NSUN6: variants seen among roughly 807,000 people sequenced by gnomAD.
NSUN6 encodes the protein tRNA (cytosine(72)-C(5))-methyltransferase NSUN6.
NSUN6 carries 64 observed loss-of-function variants against 58.0 expected under a neutral mutation model. That is an observed-to-expected ratio of 1.10 (90% CI 0.90 to 1.36). NSUN6 has a LOEUF of 1.36. Among genes scored for constraint, NSUN6 ranks in the 40% most tolerant of loss-of-function variants. The pLI is 0.00. For synonymous variants in NSUN6, 231 were observed against 193.9 expected (o/e 1.19, Z -1.59); for missense variants, 701 against 550.1 (o/e 1.27, Z -2.74).
In NSUN6 at chr10:18,648,473, AG is replaced by A; in HGVS notation, c.231+16del. 1.3e-6 allele frequency: 2 copies of A among 1,562,758 alleles called. No individual in the cohort carries two copies. Among genetic ancestry groups the A allele is most frequent in the Non-Finnish European group, 1.8e-6 (2 of 1,140,482 alleles). On this transcript the variant is annotated intron_variant, in intron 2 of 10. Coordinates refer to ENST00000377304, the MANE Select transcript of NSUN6 (RefSeq NM_182543.5). ...AAAAATGTAATTATGTACAAATGACAGAAAATTTCCACAAACCTTCTGAAGT... is the reference window on the plus strand; with the variant it reads ...AAAAATGTAATTATGTACAAATGACAAAAATTTCCACAAACCTTCTGAAGT...
intron 3 of NSUN6, among the ~76,000 whole-genome samples, chr10:18,620,255 T>G (rs1386442427): frequency 1.3e-5 from 2 of 152,050 alleles, no homozygotes; most frequent in African/African-American, 4.8e-5. Flanking sequence ...ACCCGGCTAA[T>G]TTTTTGTGTT....
At chr10:18,578,392 C>T (rs1395038698) in intron 8 of NSUN6, among the ~76,000 whole-genome samples, 1 of 152,108 alleles carries the variant, frequency 6.6e-6, no homozygotes, top group African/African-American at 2.4e-5. Context: ...TGCCACCACA[C>T]TCAGCTAATT....
At chr10:18,650,159 T>A (rs2059662847) in intron 1 of NSUN6, among the ~76,000 whole-genome samples, 2 of 152,182 alleles carry the variant, frequency 1.3e-5, no homozygotes, top group Admixed American at 1.3e-4. Context: ...AAATTAACAT[T>A]TTTTGAAGAC....
intron 9 of NSUN6, among the ~76,000 whole-genome samples, chr10:18,549,540 C>T (rs921906561): frequency 6.6e-6 from 1 of 152,098 alleles, no homozygotes; most frequent in Admixed American, 6.5e-5. Context: ...TATTTATTTC[C>T]TTTCCTAGTT....
At chr10:18,605,119 T>G (rs1000473655) in intron 6 of NSUN6, among the ~76,000 whole-genome samples, 1 of 150,628 alleles carries the variant, frequency 6.6e-6, no homozygotes, top group Non-Finnish European at 1.5e-5. Context: ...TCTCCTGACC[T>G]CGTAATCCGC....
At chr10:18,557,867 T>C (rs1328847702) in intron 8 of NSUN6, among the ~76,000 whole-genome samples, 1 of 147,666 alleles carries the variant, frequency 6.8e-6, no homozygotes, top group East Asian at 2.0e-4. Context: ...GAATATGGAA[T>C]GGAGCGTGGA....
chr10:18,634,764 CAAACAAAACA>C (rs536322586), intron 3 of NSUN6, among the ~76,000 whole-genome samples: 2 of 150,206 alleles, frequency 1.3e-5, no homozygotes, highest in Non-Finnish European at 3.0e-5. Flanking sequence ...CTCAAACAAA[CAAACAAAACA>C]AAACAAAACA....
intron 6 of NSUN6, among the ~76,000 whole-genome samples, chr10:18,608,495 G>A (rs2058117124): frequency 6.6e-6 from 1 of 151,892 alleles, no homozygotes; most frequent in South Asian, 2.1e-4. Context: ...AAATTAGCAG[G>A]GTGCGGTGGC....
upstream of NSUN6, chr10:18,653,014 A>T (rs2059735745): frequency 1.0e-6 from 1 of 985,048 alleles, no homozygotes; most frequent in South Asian, 4.7e-5. Flanking sequence ...TAAATCCATG[A>T]GATTCTTTCA....
At chr10:18,624,621 C>A (rs955542634) in intron 3 of NSUN6, among the ~76,000 whole-genome samples, 1 of 116,460 alleles carries the variant, frequency 8.6e-6, no homozygotes. Flanking sequence ...GAACTTCAGC[C>A]TGGGAGACAG....
intron 8 of NSUN6, among the ~76,000 whole-genome samples, chr10:18,561,387 TGG>T (rs2055494920): frequency 1.6e-5 from 1 of 61,026 alleles, no homozygotes; most frequent in South Asian, 7.5e-4. Context: ...TGGAATGCAG[TGG>T]TGAATGGAAT....
intron 9 of NSUN6, among the ~76,000 whole-genome samples, chr10:18,550,471 G>A (rs1460213471): frequency 6.6e-6 from 1 of 152,116 alleles, no homozygotes; most frequent in Non-Finnish European, 1.5e-5. Context: ...GTATTTTGGA[G>A]GGCTGGGAGG....
At chr10:18,606,791 C>T (rs945968707) in intron 6 of NSUN6, among the ~76,000 whole-genome samples, 10 of 152,148 alleles carry the variant, frequency 6.6e-5, no homozygotes, top group Non-Finnish European at 1.5e-4. Flanking sequence ...CAGGAATAGA[C>T]TCTAGGTACC....
intron 7 of NSUN6, among the ~76,000 whole-genome samples, chr10:18,593,595 A>C (rs1030353494): frequency 1.3e-5 from 2 of 152,138 alleles, no homozygotes; most frequent in African/African-American, 2.4e-5. Context: ...TTCTCAGCAA[A>C]CTAACACAGG....
At chr10:18,606,015 G>T (rs887841235) in intron 6 of NSUN6, among the ~76,000 whole-genome samples, 1 of 151,704 alleles carries the variant, frequency 6.6e-6, no homozygotes, top group African/African-American at 2.4e-5. Flanking sequence ...TAGACATGAT[G>T]GGGGAAAAAA....
intron 3 of NSUN6, among the ~76,000 whole-genome samples, chr10:18,633,340 C>T (rs1234528745): frequency 6.6e-6 from 1 of 151,054 alleles, no homozygotes; most frequent in Non-Finnish European, 1.5e-5. Context: ...GTGCAGCGCA[C>T]CAGCATGGCA....
chr10:18,587,130 A>G (rs1485911351), intron 7 of NSUN6, among the ~76,000 whole-genome samples: 1 of 152,240 alleles, frequency 6.6e-6, no homozygotes, highest in Non-Finnish European at 1.5e-5. Context: ...ACTCAACACC[A>G]AAAGTATTTG....
At chr10:18,552,752 T>A (rs2054689043) in intron 8 of NSUN6, among the ~76,000 whole-genome samples, 1 of 149,728 alleles carries the variant, frequency 6.7e-6, no homozygotes, top group South Asian at 2.1e-4. Flanking sequence ...AATTCTCTAC[T>A]CCATTCTATT....
intron 7 of NSUN6, among the ~76,000 whole-genome samples, chr10:18,589,228 T>G (rs994947901): frequency 6.6e-6 from 1 of 151,734 alleles, no homozygotes; most frequent in Non-Finnish European, 1.5e-5. Context: ...GAAAAAACAA[T>G]GAAAAGGAGT....
Sources: allele counts gnomAD v4.1 joint callset (sites outside exome capture counted in the v4.1 genomes callset), GRCh38; gene constraint gnomAD v4.1.1; transcripts MANE v1.5; gene names NCBI Gene and HGNC (gene_info 2026-07-23, HGNC 2026-07-21).